The following CD96 variants were observed in gnomAD, a reference collection of about 807,000 sequenced individuals.
The protein encoded by CD96 is CD96 molecule.
CD96 carries 70 observed loss-of-function variants against 71.3 expected under a neutral mutation model. The observed-to-expected ratio is 0.98, with a 90% confidence interval of 0.81 to 1.20. The LOEUF is 1.20. Among genes scored for constraint, CD96 ranks in the 50% most tolerant of loss-of-function variants. The pLI is 0.00. For missense variants in CD96, 742 were observed against 677.5 expected, an observed-to-expected ratio of 1.10 and a Z score of -1.06; for synonymous variants, 248 against 233.0, an observed-to-expected ratio of 1.06 and a Z score of -0.59.
At chr3:111,644,589 G>T (rs1939740148) in intron 12 of CD96, among the ~76,000 whole-genome samples, 1 of 152,070 alleles carries the variant, frequency 6.6e-6, no homozygotes, top group African/African-American at 2.4e-5. Context: ...GACCCAGAGA[G>T]TGAGAGAAAA....
At chr3:111,616,041 T>C (rs1938217367) in intron 8 of CD96, among the ~76,000 whole-genome samples, 1 of 152,172 alleles carries the variant, frequency 6.6e-6, no homozygotes, top group Non-Finnish European at 1.5e-5. Flanking sequence ...TCCATGACCA[T>C]CATATTTTAA....
At position 111,659,578 on chromosome 3, in the gene CD96, AT is replaced by A. The variant is rs997812032; in HGVS notation, c.*53-5942del. ...AACCTATTTTCATTAGTTGCAAGGAATTTTTTTATTTTACCCAGTAGTTATT... is the reference window on the plus strand; with the variant it reads ...AACCTATTTTCATTAGTTGCAAGGAATTTTTTATTTTACCCAGTAGTTATT... On this transcript the variant is annotated intron_variant and NMD_transcript_variant, in intron 14 of 14. Coordinates refer to the CD96 transcript ENST00000494798. Among the ~76,000 whole-genome samples, 6 of 152,274 alleles carry A rather than the reference AT, an allele frequency of 3.9e-5. No individual in the cohort carries two copies. The East Asian group carries it at 9.6e-4, about 24-fold the overall frequency.
intron 2 of CD96, among the ~76,000 whole-genome samples, chr3:111,564,580 T>C (rs1209958016): frequency 6.6e-6 from 1 of 152,202 alleles, no homozygotes. Context: ...AATTTCATCA[T>C]TTTATTTCTT....
At chr3:111,657,632 T>G (rs1940265000) in intron 14 of CD96, among the ~76,000 whole-genome samples, 1 of 152,098 alleles carries the variant, frequency 6.6e-6, no homozygotes, top group Non-Finnish European at 1.5e-5. Flanking sequence ...TATGTAAATG[T>G]GTTGTCATTG....
intron 8 of CD96, chr3:111,607,179 G>T: frequency 4.4e-6 from 1 of 228,286 alleles, no homozygotes; most frequent in Non-Finnish European, 8.7e-6. Context: ...ATTCAGTGAG[G>T]AATTTAAATT....
chr3:111,650,114 C>T lies in CD96; in HGVS notation c.*308C>T. Reference sequence around the variant, plus strand: ...AAAATACAGTATTTTCATTTAAATTCTCTGATGGAGGGACAACAATGGTTT... The same window carrying T: ...AAAATACAGTATTTTCATTTAAATTTTCTGATGGAGGGACAACAATGGTTT... On this transcript the variant is annotated 3_prime_UTR_variant, in exon 14 of 14. Coordinates refer to ENST00000352690, the MANE Select transcript of CD96 (RefSeq NM_005816.5). 1 of 364,042 alleles carries T rather than the reference C, an allele frequency of 2.7e-6. No individual in the cohort carries two copies. The highest frequency in any genetic ancestry group is 6.5e-5 in the East Asian group (1 of 15,290). The allele number at this position is 364,042 out of a possible 1,614,324, so 22.6% of individuals were successfully genotyped here.
At chr3:111,551,681 A>G (rs1241947304) in intron 2 of CD96, among the ~76,000 whole-genome samples, 2 of 152,058 alleles carry the variant, frequency 1.3e-5, no homozygotes, top group African/African-American at 4.8e-5. Flanking sequence ...TAAGCCCAGC[A>G]TCCATTAGCT....
chr3:111,617,634 AC>A (rs1338862244), intron 8 of CD96, among the ~76,000 whole-genome samples: 1 of 152,072 alleles, frequency 6.6e-6, no homozygotes, highest in African/African-American at 2.4e-5. Flanking sequence ...GAAAGGAACT[AC>A]CCACTTCAGG....
rs1576397967 is a variant in CD96, at chr3:111,618,709, C to A, written c.1181-5045C>A. On this transcript the variant is annotated intron_variant, in intron 8 of 13. Transcript: ENST00000352690. ...ACGCCATTCTCCTGCCTCAGCCTCT[C>A]GAGTAGCTGGGACTACATGTCCAGC... is the stretch of plus-strand genomic sequence containing the variant. Among the ~76,000 whole-genome samples the A allele has an allele frequency of 2.6e-5, 4 of 151,432 alleles. No homozygotes were observed. The South Asian group carries it at 8.4e-4, about 32-fold the overall frequency.
At chr3:111,653,933 T>C (rs969189900), downstream of CD96, among the ~76,000 whole-genome samples, 15 of 151,244 alleles carry the variant, frequency 9.9e-5, no homozygotes. Flanking sequence ...AATGAGGAAA[T>C]GAAAGAGAAA....
At chr3:111,614,050 A>G (rs1938095822) in intron 8 of CD96, among the ~76,000 whole-genome samples, 2 of 152,258 alleles carry the variant, frequency 1.3e-5, no homozygotes, top group South Asian at 2.1e-4. Context: ...GGTGATTTCC[A>G]TATAATAAAT....
intron 11 of CD96, among the ~76,000 whole-genome samples, chr3:111,637,809 T>C (rs376522478): frequency 2.9e-5 from 4 of 139,886 alleles, no homozygotes; most frequent in Admixed American, 2.2e-4. Context: ...TTTTTTTTTT[T>C]CAACCAATAG....
At chr3:111,585,701 G>A (rs749222211) in intron 5 of CD96, among the ~76,000 whole-genome samples, 38 of 152,200 alleles carry the variant, frequency 2.5e-4, no homozygotes, top group African/African-American at 8.7e-4. Flanking sequence ...AAAGCAGTGT[G>A]AGCCCTGGTG....
intron 2 of CD96, among the ~76,000 whole-genome samples, chr3:111,559,016 T>C (rs1211367352): frequency 6.6e-6 from 1 of 152,228 alleles, no homozygotes; most frequent in Non-Finnish European, 1.5e-5. Flanking sequence ...TAGTATTCTC[T>C]GATGGTAGTT....
chr3:111,593,589 C>G, intron 5 of CD96: 3 of 1,548,758 alleles, frequency 1.9e-6, no homozygotes, highest in Non-Finnish European at 2.6e-6. Context: ...AGCTCTTTCT[C>G]CCGCTGGCAT....
chr3:111,554,598 C>T (rs143828984), intron 2 of CD96, among the ~76,000 whole-genome samples: 25 of 151,852 alleles, frequency 1.6e-4, no homozygotes, highest in African/African-American at 2.2e-4. Context: ...ATAAAGTACA[C>T]GTATATAATA....
At chr3:111,570,947 G>T in intron 3 of CD96, 1 of 1,559,024 alleles carries the variant, frequency 6.4e-7, no homozygotes, top group Non-Finnish European at 8.8e-7. Context: ...AGGGGGTCTT[G>T]AGTGGGCTGT....
rs537282779 is a variant in CD96, at chr3:111,657,984, T to C, written c.*53-7543T>C. Among the ~76,000 whole-genome samples, 7 of 152,308 alleles carry C rather than the reference T, an allele frequency of 4.6e-5. No individual in the cohort carries two copies. The South Asian group carries it at 1.5e-3, about 32-fold the overall frequency. On this transcript the variant is annotated intron_variant and NMD_transcript_variant, in intron 14 of 14. Coordinates refer to the CD96 transcript ENST00000494798. ...TGCCTATATTTCCCAGATGTGCCTT[T>C]TGAAAGGACTAAGAAAGAAAGATAT...
chr3:111,603,387 G>C (rs544369163), intron 7 of CD96, among the ~76,000 whole-genome samples: 1 of 151,918 alleles, frequency 6.6e-6, no homozygotes, highest in South Asian at 2.1e-4. Flanking sequence ...TGAAGCTCCA[G>C]TGAGCCGTGA....
Sources: gnomAD v4.1 joint callset for allele counts (sites outside exome capture counted in the v4.1 genomes callset) on GRCh38, gnomAD v4.1.1 for gene constraint, MANE v1.5 for transcripts, NCBI Gene and HGNC (gene_info 2026-07-23, HGNC 2026-07-21) for gene names.